PRDM6: variants seen among roughly 807,000 people sequenced by gnomAD.
PRDM6 encodes PR/SET domain 6, also known as putative histone-lysine N-methyltransferase PRDM6.
PRDM6 carries 25 observed loss-of-function variants against 60.8 expected under a neutral mutation model. The ratio of observed to expected loss-of-function variants is 0.41; its 90% confidence interval spans 0.30 to 0.57. The LOEUF (loss-of-function observed/expected upper bound fraction) is 0.57. PRDM6 is among the 20% of genes least tolerant of loss of function. The pLI is 0.27. For missense variants in PRDM6, 839 were observed against 821.3 expected (o/e 1.02, Z -0.26); for synonymous variants, 407 against 357.4 (o/e 1.14, Z -1.57).
At chr5:123,132,304 TA>T (rs1488696033) in intron 3 of PRDM6, among the ~76,000 whole-genome samples, 1 of 152,174 alleles carries the variant, frequency 6.6e-6, no homozygotes, top group African/African-American at 2.4e-5. Flanking sequence ...CTTTCAAAAT[TA>T]GAATTATTCC....
At chr5:123,150,354 G>A (rs941440190) in intron 3 of PRDM6, among the ~76,000 whole-genome samples, 8 of 152,044 alleles carry the variant, frequency 5.3e-5, no homozygotes, top group African/African-American at 1.9e-4. Flanking sequence ...TAACCATAGT[G>A]GTTTATATCG....
intron 5 of PRDM6, among the ~76,000 whole-genome samples, chr5:123,163,713 G>T (rs1304355412): frequency 2.0e-5 from 3 of 152,160 alleles, no homozygotes; most frequent in African/African-American, 4.8e-5. Context: ...ATTAGCTCCT[G>T]CAGAGTGTAA....
intron 3 of PRDM6, among the ~76,000 whole-genome samples, chr5:123,142,346 A>AG (rs1433588068): frequency 6.6e-6 from 1 of 152,272 alleles, no homozygotes; most frequent in African/African-American, 2.4e-5. Flanking sequence ...GTGACTTAGT[A>AG]GGTCATACAG....
intron 3 of PRDM6, among the ~76,000 whole-genome samples, chr5:123,124,520 C>G (rs1341998034): frequency 6.6e-6 from 1 of 152,206 alleles, no homozygotes; most frequent in African/African-American, 2.4e-5. Context: ...AATAGCCCAA[C>G]TTAGCACTGG....
At position 123,191,956 on chromosome 5, in the gene PRDM6, A is replaced by C. The variant is rs913896509; in HGVS notation, c.*4755A>C. 3 of 152,212 alleles carry C rather than the reference A, an allele frequency of 2.0e-5. No homozygotes were observed. The highest frequency in any genetic ancestry group is 7.2e-5 in the African/African-American group (3 of 41,458). 9.4% of individuals were successfully genotyped at this position (152,212 alleles called of 1,614,324 possible). ...AATATTTATTTAGTTTCTTCCTTTA[A>C]ATAATAAATGCCAGATGTTTCATCA... On this transcript the variant is annotated 3_prime_UTR_variant, in exon 8 of 8. Transcript: ENST00000407847.
At chr5:123,106,672 A>G (rs1764203388) in intron 3 of PRDM6, among the ~76,000 whole-genome samples, 1 of 152,220 alleles carries the variant, frequency 6.6e-6, no homozygotes, top group Admixed American at 6.5e-5. Flanking sequence ...TTATGGGTTG[A>G]GGGTCTGAAT....
chr5:123,154,215 T>C (rs948876519), intron 3 of PRDM6, among the ~76,000 whole-genome samples: 1 of 152,184 alleles, frequency 6.6e-6, no homozygotes, highest in Non-Finnish European at 1.5e-5. Flanking sequence ...ATCCTAAATA[T>C]GTTGTCTATC....
chr5:123,104,258 G>C (rs1764162074), intron 3 of PRDM6, among the ~76,000 whole-genome samples: 1 of 151,780 alleles, frequency 6.6e-6, no homozygotes, highest in South Asian at 2.1e-4. Context: ...AACCATCATA[G>C]GTAATTGGTT....
chr5:123,101,843 C>T (rs2150208800), intron 3 of PRDM6, among the ~76,000 whole-genome samples: 1 of 152,288 alleles, frequency 6.6e-6, no homozygotes, highest in East Asian at 1.9e-4. Context: ...TCTTTTCTAC[C>T]TTTACTTGTA....
chr5:123,142,056 C>A (rs904330888), intron 3 of PRDM6, among the ~76,000 whole-genome samples: 1 of 152,062 alleles, frequency 6.6e-6, no homozygotes, highest in African/African-American at 2.4e-5. Flanking sequence ...CTTGACTCAA[C>A]GGCTCGGAAG....
At chr5:123,124,399 G>A (rs570234400) in intron 3 of PRDM6, among the ~76,000 whole-genome samples, 8 of 152,258 alleles carry the variant, frequency 5.3e-5, no homozygotes, top group East Asian at 3.9e-4. Flanking sequence ...AAAAGACCTC[G>A]AAGTGTTTTT....
In PRDM6 at chr5:123,089,368, T is replaced by A. The variant is rs1763747091; in HGVS notation, c.-167T>A. The A allele has an allele frequency of 6.6e-6, 1 of 152,616 alleles. No individual in the cohort carries two copies. The highest frequency in any genetic ancestry group is 1.9e-4 in the East Asian group (1 of 5,148). The allele number at this position is 152,616 out of a possible 1,614,324, so 9.5% of individuals were successfully genotyped here. On this transcript the variant is annotated 5_prime_UTR_variant, in exon 1 of 8. Coordinates refer to ENST00000407847, the MANE Select transcript of PRDM6 (RefSeq NM_001136239.4). ...CCGCGGGCCTCCCAATTTTCTCGCT[T>A]GCAGGTCGGGAGGTTTCCGGGCGGC...
intron 3 of PRDM6, among the ~76,000 whole-genome samples, chr5:123,112,024 T>G (rs889690400): frequency 1.3e-5 from 2 of 152,172 alleles, no homozygotes; most frequent in African/African-American, 4.8e-5. Context: ...GACAGCAAAA[T>G]GAACTCCCAT....
In PRDM6 at chr5:123,169,499, T is replaced by C. The variant is rs567349697; in HGVS notation, c.1154-1267T>C. Among the ~76,000 whole-genome samples the C allele has an allele frequency of 1.2e-4, 18 of 152,320 alleles. No individual in the cohort carries two copies. In the South Asian group the frequency reaches 2.7e-3, roughly 23 times the overall value. On this transcript the variant is annotated intron_variant, in intron 5 of 7. Transcript: ENST00000407847. ...TGTTCATGATAGGCCCTGTAATAAG[T>C]ACTTTCATTGGTGTATTTAAACCTT...
At chr5:123,129,218 T>C (rs1178978375) in intron 3 of PRDM6, among the ~76,000 whole-genome samples, 2 of 152,220 alleles carry the variant, frequency 1.3e-5, no homozygotes, top group Non-Finnish European at 2.9e-5. Context: ...GCTTTGTTCT[T>C]TTGGCTTAGG....
Position 123,190,593 on chromosome 5 carries a change from A to G in PRDM6, c.*3392A>G, listed in dbSNP as rs908316336. 1.3e-5 allele frequency: 2 copies of G among 152,174 alleles called. No individual in the cohort carries two copies. Among genetic ancestry groups the G allele is most frequent in the African/African-American group, 4.8e-5 (2 of 41,438 alleles). The allele number at this position is 152,174 out of a possible 1,614,324, so 9.4% of individuals were successfully genotyped here. Reference sequence around the variant, plus strand: ...TCTTGGGAAACTATGTATAACAGGAAAAGATCATGACATCATTGTGTCCTC... The same window carrying G: ...TCTTGGGAAACTATGTATAACAGGAGAAGATCATGACATCATTGTGTCCTC... On this transcript the variant is annotated 3_prime_UTR_variant, in exon 8 of 8. Transcript: ENST00000407847.
chr5:123,161,369 T>C (rs1765626659), intron 5 of PRDM6, among the ~76,000 whole-genome samples: 2 of 152,172 alleles, frequency 1.3e-5, no homozygotes, highest in African/African-American at 2.4e-5. Context: ...GGGAGACAGA[T>C]TATCAACAGA....
intron 6 of PRDM6, among the ~76,000 whole-genome samples, chr5:123,174,599 A>C (rs894703519): frequency 2.0e-5 from 3 of 152,266 alleles, no homozygotes; most frequent in East Asian, 3.9e-4. Flanking sequence ...AGATATTTCA[A>C]CCTCCATCCA....
chr5:123,118,894 G>T (rs868671314), intron 3 of PRDM6, among the ~76,000 whole-genome samples: 5 of 152,270 alleles, frequency 3.3e-5, no homozygotes, highest in African/African-American at 9.6e-5. Flanking sequence ...TGGAACAAAA[G>T]AGGAGTGTCT....
Sources: gnomAD v4.1 joint callset for allele counts (sites outside exome capture counted in the v4.1 genomes callset) on GRCh38, gnomAD v4.1.1 for gene constraint, MANE v1.5 for transcripts, NCBI Gene and HGNC (gene_info 2026-07-23, HGNC 2026-07-21) for gene names.